The following ZFAT variants were observed in gnomAD, a reference collection of about 807,000 sequenced individuals.
The protein encoded by ZFAT is zinc finger protein ZFAT.
A neutral mutation model predicts 117.7 loss-of-function variants in ZFAT; 64 were observed. The ratio of observed to expected loss-of-function variants is 0.54; its 90% CI spans 0.44 to 0.67. The LOEUF is 0.67. ZFAT is among the 30% of genes least tolerant of loss of function. The probability of loss-of-function intolerance (pLI) is 0.00; values close to 1 mark genes in which losing one functional copy is unlikely to be tolerated. For missense variants in ZFAT, 1,433 were observed against 1,584.5 expected, an observed-to-expected ratio of 0.90 and a Z score of 1.62; for synonymous variants, 679 against 615.0, an observed-to-expected ratio of 1.10 and a Z score of -1.54.
At chr8:134,719,596 A>C in the ZFAT span, among the ~76,000 whole-genome samples, 1 of 152,174 alleles carries the variant, frequency 6.6e-6, no homozygotes, top group Non-Finnish European at 1.5e-5. Flanking sequence ...GGGGAGTGGC[A>C]ATGACACTAG....
At chr8:134,687,619 C>G (rs1833386463) in intron 1 of ZFAT, among the ~76,000 whole-genome samples, 1 of 151,444 alleles carries the variant, frequency 6.6e-6, no homozygotes, top group Admixed American at 6.6e-5. Flanking sequence ...TACAGGAACA[C>G]CCCCTGTCCC....
the ZFAT span, among the ~76,000 whole-genome samples, chr8:134,790,498 TGA>T: frequency 3.3e-5 from 5 of 152,142 alleles, no homozygotes; most frequent in South Asian, 2.1e-4. Flanking sequence ...GGAGTATGCA[TGA>T]GAGAAGGAAG....
intron 1 of ZFAT, among the ~76,000 whole-genome samples, chr8:134,660,106 G>A (rs1052323362): frequency 1.3e-5 from 2 of 152,214 alleles, no homozygotes; most frequent in East Asian, 3.8e-4. Flanking sequence ...AGGAGGCCAA[G>A]TTGTTTCCAA....
At chr8:134,769,539 T>G in the ZFAT span, among the ~76,000 whole-genome samples, 116,412 of 152,094 alleles carry the variant, frequency 0.77, 45,074 homozygotes, top group African/African-American at 0.89. Context: ...CTACTTTCAT[T>G]GGATGGTGTT....
chr8:134,736,686 C>G, the ZFAT span, among the ~76,000 whole-genome samples: 1 of 152,144 alleles, frequency 6.6e-6, no homozygotes, highest in Non-Finnish European at 1.5e-5. Flanking sequence ...GCCTCAACCT[C>G]TCAGGCTCAA....
intron 10 of ZFAT, among the ~76,000 whole-genome samples, chr8:134,583,080 A>G (rs1449925312): frequency 6.6e-6 from 1 of 151,756 alleles, no homozygotes; most frequent in Non-Finnish European, 1.5e-5. Flanking sequence ...AGCCTGTGCC[A>G]GGGAGACTGT....
At chr8:134,530,790 C>T (rs888002266) in intron 12 of ZFAT, among the ~76,000 whole-genome samples, 1 of 89,900 alleles carries the variant, frequency 1.1e-5, no homozygotes, top group African/African-American at 3.6e-5. Context: ...AAAAATAATA[C>T]AAATTAAAAC....
At chr8:134,606,853 T>C (rs1042689841) in intron 5 of ZFAT, among the ~76,000 whole-genome samples, 8 of 151,862 alleles carry the variant, frequency 5.3e-5, no homozygotes, top group Admixed American at 6.6e-5. Context: ...AAATAATAAG[T>C]GGTTATCTTT....
At chr8:134,618,132 T>C (rs1828872865) in intron 3 of ZFAT, among the ~76,000 whole-genome samples, 1 of 152,172 alleles carries the variant, frequency 6.6e-6, no homozygotes, top group Non-Finnish European at 1.5e-5. Context: ...TGAACCTCTT[T>C]TTCTTCCCAG....
intron 3 of ZFAT, among the ~76,000 whole-genome samples, chr8:134,625,163 C>G (rs1160775170): frequency 6.6e-6 from 1 of 152,240 alleles, no homozygotes; most frequent in Non-Finnish European, 1.5e-5. Flanking sequence ...CCTCCTATAT[C>G]TCTTACTACA....
intron 7 of ZFAT, among the ~76,000 whole-genome samples, chr8:134,590,837 C>A (rs773654540): frequency 3.3e-5 from 5 of 152,204 alleles, no homozygotes; most frequent in African/African-American, 4.8e-5. Context: ...CGACCCCCCT[C>A]ACCATCATCA....
At chr8:134,608,924 G>A (rs758518904) in intron 4 of ZFAT, 45 bp from the exon 5 acceptor site, 13 of 1,582,656 alleles carry the variant, frequency 8.2e-6, no homozygotes, top group Admixed American at 7.6e-5. Flanking sequence ...GGCATCGAAA[G>A]TGGGCACTGA....
chr8:134,505,820 T>G (rs1819365440), intron 15 of ZFAT, among the ~76,000 whole-genome samples: 1 of 152,212 alleles, frequency 6.6e-6, no homozygotes, highest in East Asian at 1.9e-4. Context: ...CCTCCAGAAT[T>G]GTAAGACAGT....
chr8:134,526,396 A>G (rs968473954), intron 12 of ZFAT, among the ~76,000 whole-genome samples: 1 of 152,236 alleles, frequency 6.6e-6, no homozygotes, highest in Non-Finnish European at 1.5e-5. Flanking sequence ...TGGATTCATT[A>G]AATTCTTAGG....
the ZFAT span, among the ~76,000 whole-genome samples, chr8:134,789,674 A>G: frequency 6.6e-6 from 1 of 152,168 alleles, no homozygotes; most frequent in Non-Finnish European, 1.5e-5. Flanking sequence ...CTGGGGCCCT[A>G]CTGATCTTGT....
At chr8:134,797,410 C>T in the ZFAT span, 1 of 152,084 alleles carries the variant, frequency 6.6e-6, no homozygotes, top group African/African-American at 2.4e-5. Context: ...TGAGCTCTTA[C>T]AACATTTGCA....
At chr8:134,555,960 G>A (rs117275588) in intron 11 of ZFAT, among the ~76,000 whole-genome samples, 1 of 140,678 alleles carries the variant, frequency 7.1e-6, no homozygotes, top group East Asian at 2.2e-4. Context: ...AAGAAGGAAG[G>A]AGGGAAGGAG....
At chr8:134,662,417 C>T (rs1831977581) in intron 1 of ZFAT, among the ~76,000 whole-genome samples, 1 of 152,118 alleles carries the variant, frequency 6.6e-6, no homozygotes, top group African/African-American at 2.4e-5. Flanking sequence ...GGGGTTGCTC[C>T]TGAAAAATGC....
chr8:134,565,196 C>T, intron 11 of ZFAT, 137 bp downstream of exon 11: 2 of 1,539,452 alleles, frequency 1.3e-6, no homozygotes, highest in East Asian at 4.9e-5. Context: ...GCCTCAGACT[C>T]CACGTGTACC....
Sources: allele counts gnomAD v4.1 joint callset (sites outside exome capture counted in the v4.1 genomes callset), GRCh38; gene constraint gnomAD v4.1.1; transcripts MANE v1.5; gene names NCBI Gene and HGNC (gene_info 2026-07-23, HGNC 2026-07-21).